The following USP25 variants were observed in gnomAD, a reference collection of about 807,000 sequenced individuals.
USP25 encodes ubiquitin specific peptidase 25, also known as ubiquitin carboxyl-terminal hydrolase 25.
A neutral mutation model predicts 158.5 loss-of-function variants in USP25; 85 were observed. The ratio of observed to expected loss-of-function variants is 0.54; its 90% CI spans 0.45 to 0.64. The LOEUF is 0.64. USP25 is among the 30% of genes least tolerant of loss of function. The pLI is 0.00. For missense variants in USP25, 1,242 were observed against 1,327.3 expected, an observed-to-expected ratio of 0.94 and a Z score of 1.00; for synonymous variants, 464 against 460.4, an observed-to-expected ratio of 1.01 and a Z score of -0.10.
chr21:15,847,150 GA>G (rs929556233), intron 18 of USP25, among the ~76,000 whole-genome samples: 71 of 151,952 alleles, frequency 4.7e-4, no homozygotes, highest in Non-Finnish European at 1.0e-4. Flanking sequence ...AAATTATAAG[GA>G]AAAAAACCCT....
At chr21:15,808,756 A>T in intron 7 of USP25, 53 bp from the exon 8 acceptor site, 1 of 1,346,544 alleles carries the variant, frequency 7.4e-7, no homozygotes. Flanking sequence ...TACAACATCT[A>T]GTATTTTTTT....
chr21:15,730,297 C>A lies in USP25; in HGVS notation c.-97C>A, dbSNP rs1317196327. 2 of 1,003,156 alleles carry A rather than the reference C, an allele frequency of 2.0e-6. No individual in the cohort carries two copies. The highest frequency in any genetic ancestry group is 3.5e-5 in the African/African-American group (2 of 57,398). 62.1% of individuals were successfully genotyped at this position (1,003,156 alleles called of 1,614,324 possible). The stretch of plus-strand genomic sequence containing the variant: ...CGCTGTCCTCCCAGGCCGTCCGCGC[C>A]GCTCCCTGGAGCTCGGCGGAGCGCG... On this transcript the variant is annotated 5_prime_UTR_variant, in exon 1 of 26. Transcript: ENST00000400183.
In USP25 at chr21:15,824,022, G is replaced by T. The variant is rs1273697357; in HGVS notation, c.1081-17G>T. On this transcript the variant is annotated splice_polypyrimidine_tract_variant and intron_variant, in intron 10 of 25. Transcript: ENST00000400183. Reference sequence around the variant, plus strand: ...AGGTGGTATTAAAGTTTTTGTTATTGTTTTATTTCCTTTCAGCATTGGTTT... The same window carrying T: ...AGGTGGTATTAAAGTTTTTGTTATTTTTTTATTTCCTTTCAGCATTGGTTT... 2.5e-6 allele frequency: 4 copies of T among 1,606,494 alleles called. No individual in the cohort carries two copies. The highest frequency in any genetic ancestry group is 1.7e-4 in the Middle Eastern group (1 of 5,974).
chr21:15,857,361 C>T (rs1311125108), intron 20 of USP25, among the ~76,000 whole-genome samples: 4 of 152,102 alleles, frequency 2.6e-5, no homozygotes, highest in Admixed American at 2.6e-4. Context: ...GCAGAGTTGA[C>T]AAGTCAAAGT....
At chr21:15,785,367 C>G (rs1288346926) in intron 4 of USP25, among the ~76,000 whole-genome samples, 1 of 152,154 alleles carries the variant, frequency 6.6e-6, no homozygotes, top group Non-Finnish European at 1.5e-5. Flanking sequence ...TTAAACTACA[C>G]CATGGACATT....
intron 1 of USP25, chr21:15,744,061 T>G (rs1195324594): frequency 6.4e-6 from 1 of 155,384 alleles, no homozygotes; most frequent in African/African-American, 2.4e-5. Flanking sequence ...AGCACCAGTG[T>G]ACCTGAGCAT....
chr21:15,772,906 A>G (rs1030249925), intron 3 of USP25, among the ~76,000 whole-genome samples: 4 of 152,186 alleles, frequency 2.6e-5, no homozygotes, highest in Admixed American at 1.3e-4. Context: ...TTCAGGATTC[A>G]GCTATCTTTC....
At chr21:15,819,147 G>T (rs1362598452) in intron 10 of USP25, among the ~76,000 whole-genome samples, 1 of 152,032 alleles carries the variant, frequency 6.6e-6, no homozygotes, top group African/African-American at 2.4e-5. Flanking sequence ...CTAGTTCCTC[G>T]ATATAAAGAA....
chr21:15,810,881 A>G (rs940202012), intron 8 of USP25, among the ~76,000 whole-genome samples: 1 of 152,166 alleles, frequency 6.6e-6, no homozygotes, highest in African/African-American at 2.4e-5. Flanking sequence ...TTCCAAGTTC[A>G]TACACGTAGT....
intron 15 of USP25, 148 bp from the exon 16 acceptor site, chr21:15,831,253 A>G: frequency 1.5e-6 from 1 of 685,028 alleles, no homozygotes; most frequent in Non-Finnish European, 2.4e-6. Flanking sequence ...AGTTTTTTTC[A>G]AACTTTTAAG....
chr21:15,757,962 C>T (rs1248300949), intron 1 of USP25, among the ~76,000 whole-genome samples: 1 of 152,082 alleles, frequency 6.6e-6, no homozygotes, highest in Non-Finnish European at 1.5e-5. Context: ...TCTGCTTTAG[C>T]GTAATGTGAT....
intron 23 of USP25, 70 bp from the exon 24 acceptor site, chr21:15,874,333 A>G: frequency 1.5e-6 from 2 of 1,362,490 alleles, no homozygotes; most frequent in Non-Finnish European, 1.0e-6. Context: ...AAAATGTTTC[A>G]TAATTATAGC....
intron 20 of USP25, among the ~76,000 whole-genome samples, chr21:15,855,406 AT>A (rs976772156): frequency 6.6e-6 from 1 of 151,512 alleles, no homozygotes; most frequent in Non-Finnish European, 1.5e-5. Context: ...AACTCGGTGA[AT>A]TTTTTTTTGA....
intron 4 of USP25, among the ~76,000 whole-genome samples, chr21:15,782,434 C>T (rs1040590353): frequency 6.6e-6 from 1 of 152,290 alleles, no homozygotes. Context: ...GCCTCCAGAC[C>T]TGTGTGCATC....
At chr21:15,758,254 C>T (rs556822043) in intron 1 of USP25, among the ~76,000 whole-genome samples, 17 of 152,236 alleles carry the variant, frequency 1.1e-4, no homozygotes, top group African/African-American at 3.6e-4. Context: ...TCTGTTCTCA[C>T]GCTGCTATAA....
Position 15,778,032 on chromosome 21 carries a change from A to T in USP25, c.392+5A>T. The T allele has an allele frequency of 6.3e-7, 1 of 1,591,654 alleles. No individual in the cohort carries two copies. Among genetic ancestry groups the T allele is most frequent in the Non-Finnish European group, 8.5e-7 (1 of 1,173,420 alleles). On this transcript the variant is annotated splice_donor_5th_base_variant and intron_variant, in intron 4 of 25. Coordinates refer to ENST00000400183, the MANE Select transcript of USP25 (RefSeq NM_001283041.3). ...TGAGGAACAAGCCATTAGCAGGTAA[A>T]AACATAATTTGTATAAAGCAGATAT...
chr21:15,826,982 C>T lies in USP25; in HGVS notation c.1472C>T (p.Thr491Ile). 1.2e-6 allele frequency: 2 copies of T among 1,613,358 alleles called. No individual in the cohort carries two copies. Among genetic ancestry groups the T allele is most frequent in the Non-Finnish European group, 1.7e-6 (2 of 1,179,968 alleles). Reference protein sequence around the residue: ...SIPSQTLPSTTEQQGALSSEL... With the variant: ...SIPSQTLPSTIEQQGALSSEL... Reference sequence around the variant, plus strand: ...TACTCTATGCTTTGATACAGCACAACAGAACAACAGGGAGCCCTATCTTCA... The same window carrying T: ...TACTCTATGCTTTGATACAGCACAATAGAACAACAGGGAGCCCTATCTTCA... Residue 491 changes from threonine to isoleucine, a missense_variant, in exon 14 of 26, where the codon ACA becomes ATA. Thr to Ile is a moderately conservative substitution (Grantham distance 89). This residue lies in a region of USP25 where 627 missense variants were observed against 701.4 expected (regional missense o/e 0.89). Coordinates refer to ENST00000400183, the MANE Select transcript of USP25 (RefSeq NM_001283041.3). This position sits in a 1 kb window ranked among gnomAD's most constrained non-coding sequence, Gnocchi z 4.8.
At position 15,808,730 on chromosome 21, in the gene USP25, G is replaced by A; in HGVS notation, c.781-79G>A. On this transcript the variant is annotated intron_variant, in intron 7 of 25. Coordinates refer to ENST00000400183, the MANE Select transcript of USP25 (RefSeq NM_001283041.3). Reference sequence around the variant, plus strand: ...TGGTAATTATATATTTCAACAACTGGCTCTAGGTTTGATGTTACAACATCT... The same window carrying A: ...TGGTAATTATATATTTCAACAACTGACTCTAGGTTTGATGTTACAACATCT... 2.0e-6 allele frequency: 2 copies of A among 978,000 alleles called. 1 individual carries two copies. The highest frequency in any genetic ancestry group is 3.0e-6 in the Non-Finnish European group (2 of 674,136). The allele number at this position is 978,000 out of a possible 1,614,324, so 60.6% of individuals were successfully genotyped here.
chr21:15,879,335 C>T lies in USP25; in HGVS notation c.*860C>T, dbSNP rs1332578498. 2 of 152,250 alleles carry T rather than the reference C, an allele frequency of 1.3e-5. No individual in the cohort carries two copies. Among genetic ancestry groups the T allele is most frequent in the Middle Eastern group, 3.2e-3 (1 of 316 alleles). 9.4% of individuals were successfully genotyped at this position (152,250 alleles called of 1,614,324 possible). A position where few individuals can be genotyped will look rare whatever the true frequency, so the allele number is the denominator to read the frequency against. On this transcript the variant is annotated 3_prime_UTR_variant, in exon 26 of 26. Transcript: ENST00000400183. ...AAATATTTATATATACACATATATA[C>T]ACATACACACATGTATATATATATT...
Sources: allele counts gnomAD v4.1 joint callset (sites outside exome capture counted in the v4.1 genomes callset), GRCh38; gene constraint gnomAD v4.1.1; regional missense constraint gnomAD v4.1.1; non-coding constraint Gnocchi (gnomAD v3.1); transcripts MANE v1.5; gene names NCBI Gene and HGNC (gene_info 2026-07-23, HGNC 2026-07-21).